SLC23A2: variants seen among roughly 807,000 people sequenced by gnomAD.
The protein encoded by SLC23A2 is Na(+)/L-ascorbic acid transporter 2.
In SLC23A2, 36 loss-of-function variants were observed where a neutral mutation model predicts 73.3. The observed-to-expected ratio is 0.49, with a 90% CI of 0.38 to 0.65. The LOEUF (loss-of-function observed/expected upper bound fraction) is 0.65. SLC23A2 is among the 30% of genes least tolerant of loss of function. The pLI, the probability that SLC23A2 is intolerant of heterozygous loss-of-function variation, is 0.00. For synonymous variants in SLC23A2, 343 were observed against 327.3 expected, an observed-to-expected ratio of 1.05 and a Z score of -0.52; for missense variants, 507 against 841.6, an observed-to-expected ratio of 0.60 and a Z score of 4.92.
upstream of SLC23A2, among the ~76,000 whole-genome samples, chr20:5,001,994 CCT>C (rs1399763824): frequency 6.6e-6 from 1 of 152,144 alleles, no homozygotes; most frequent in East Asian, 1.9e-4. Flanking sequence ...GTCCTTCTTA[CCT>C]CATGCAGAGA....
intron 1 of SLC23A2, among the ~76,000 whole-genome samples, chr20:4,976,155 G>C (rs2087642192): frequency 6.6e-6 from 1 of 151,570 alleles, no homozygotes; most frequent in South Asian, 2.1e-4. Flanking sequence ...GCCCGGCCAA[G>C]AGTTTCTTTT....
chr20:4,869,343 A>AAAAC (rs1568603042), intron 12 of SLC23A2, among the ~76,000 whole-genome samples: 2,416 of 149,586 alleles, frequency 0.016, 76 homozygotes, highest in African/African-American at 0.057. Flanking sequence ...CAAAAAAAAA[A>AAAAC]CAAAAAAAAC....
chr20:4,965,521 C>T (rs1397330972), intron 2 of SLC23A2, among the ~76,000 whole-genome samples: 3 of 152,084 alleles, frequency 2.0e-5, no homozygotes, highest in Admixed American at 2.0e-4. Flanking sequence ...TTTGTAATCC[C>T]AGTACTTTGG....
intron 2 of SLC23A2, among the ~76,000 whole-genome samples, chr20:4,950,525 A>C (rs983506909): frequency 5.9e-5 from 9 of 152,140 alleles, no homozygotes; most frequent in Non-Finnish European, 1.2e-4. Flanking sequence ...GTACCCATGA[A>C]GACACAAAAG....
At chr20:4,886,934 G>A (rs1432249307) in intron 6 of SLC23A2, among the ~76,000 whole-genome samples, 2 of 152,100 alleles carry the variant, frequency 1.3e-5, no homozygotes, top group East Asian at 3.9e-4. Flanking sequence ...ACAGGAACTG[G>A]ACTGAGAAAT....
At chr20:4,859,624 T>C (rs6107541) in intron 15 of SLC23A2, among the ~76,000 whole-genome samples, 24,213 of 152,150 alleles carry the variant, frequency 0.16, 2,070 homozygotes, top group African/African-American at 0.21. Flanking sequence ...CAGTGGTGCA[T>C]AGAAGATGAA....
rs181432107 is a variant in SLC23A2 at position 4,865,721 on chromosome 20, C to T, written c.1356+2049G>A. ...TTAGTTCCAGGACCGCCACTCTCCC[C>T]GCCTCAGATACCAACAACCACAGAC... On this transcript the variant is annotated intron_variant, in intron 13 of 16. Coordinates refer to ENST00000338244, the MANE Select transcript of SLC23A2 (RefSeq NM_005116.6). 5.4e-4 allele frequency among the ~76,000 whole-genome samples: 83 copies of T among 152,310 alleles called. 1 individual carries two copies. The highest frequency in any genetic ancestry group is 1.1e-3 in the Non-Finnish European group (75 of 68,036).
intron 2 of SLC23A2, among the ~76,000 whole-genome samples, chr20:4,956,078 C>G (rs2087283965): frequency 6.6e-6 from 1 of 152,032 alleles, no homozygotes; most frequent in African/African-American, 2.4e-5. Flanking sequence ...TGGACAAATA[C>G]AAGAAAAAAA....
intron 2 of SLC23A2, among the ~76,000 whole-genome samples, chr20:4,952,255 T>C (rs903202333): frequency 6.6e-6 from 1 of 152,128 alleles, no homozygotes; most frequent in Admixed American, 6.6e-5. Context: ...ATCATATACT[T>C]GGACACATCC....
chr20:4,911,887 C>T (rs1436558250), intron 4 of SLC23A2, among the ~76,000 whole-genome samples: 2 of 151,840 alleles, frequency 1.3e-5, no homozygotes, highest in Non-Finnish European at 2.9e-5. Flanking sequence ...TCTGTCTTCC[C>T]AGTTGGAGTA....
At chr20:5,003,082 A>C (rs573192341), upstream of SLC23A2, among the ~76,000 whole-genome samples, 1 of 152,150 alleles carries the variant, frequency 6.6e-6, no homozygotes, top group Admixed American at 6.6e-5. Flanking sequence ...GAAGATGGAG[A>C]AAATAAAAAA....
chr20:4,914,443 G>T (rs752145392), intron 3 of SLC23A2, among the ~76,000 whole-genome samples: 2 of 151,756 alleles, frequency 1.3e-5, no homozygotes, highest in African/African-American at 4.8e-5. Context: ...ACTGAACCAG[G>T]TATTGACCAA....
At chr20:4,968,907 C>A (rs990796274) in intron 2 of SLC23A2, among the ~76,000 whole-genome samples, 2 of 150,374 alleles carry the variant, frequency 1.3e-5, no homozygotes, top group South Asian at 4.2e-4. Flanking sequence ...TTAGTAGAGA[C>A]GGGGTTTCAC....
In SLC23A2 at chr20:4,965,966, C is replaced by CAA. The variant is rs3055921; in HGVS notation, c.-155+4825_-155+4826dup. 1.9e-3 allele frequency among the ~76,000 whole-genome samples: 191 copies of CAA among 100,056 alleles called. 8 individuals are homozygous for CAA. The highest frequency in any genetic ancestry group is 3.2e-3 in the East Asian group (11 of 3,444). 65.6% of individuals were successfully genotyped at this position (100,056 alleles called of 152,430 possible). ...TGGGTGACTGAGTGAGACTCCATCT[C>CAA]AAAAAAAAAAAAAAAAAGGGAAGAT... is the stretch of plus-strand genomic sequence containing the variant. On this transcript the variant is annotated intron_variant, in intron 2 of 16. Transcript: ENST00000338244.
At chr20:4,860,902 G>A (rs1929939946) in intron 15 of SLC23A2, among the ~76,000 whole-genome samples, 1 of 152,180 alleles carries the variant, frequency 6.6e-6, no homozygotes, top group Admixed American at 6.5e-5. Flanking sequence ...TTGACCGGGT[G>A]TGGTGGTGGG....
At chr20:4,937,647 C>G (rs1568632839) in intron 2 of SLC23A2, among the ~76,000 whole-genome samples, 1 of 152,192 alleles carries the variant, frequency 6.6e-6, no homozygotes, top group African/African-American at 2.4e-5. Context: ...GTATACACAG[C>G]TATAGGCAGT....
chr20:4,900,920 GC>G (rs1267390123), intron 5 of SLC23A2, among the ~76,000 whole-genome samples: 13 of 152,144 alleles, frequency 8.5e-5, no homozygotes, highest in African/African-American at 3.1e-4. Flanking sequence ...AGCCCATGAA[GC>G]CCGACTGTAA....
chr20:4,919,392 G>A (rs1186934249), intron 3 of SLC23A2, among the ~76,000 whole-genome samples: 1 of 152,206 alleles, frequency 6.6e-6, no homozygotes, highest in East Asian at 1.9e-4. Flanking sequence ...GAAGGCTAAG[G>A]CTGTGGCAGC....
chr20:4,993,713 A>G (rs1440512772), intron 1 of SLC23A2, among the ~76,000 whole-genome samples: 1 of 152,178 alleles, frequency 6.6e-6, no homozygotes, highest in East Asian at 1.9e-4. Context: ...ACATTCCCCC[A>G]TATCATGCAT....
Sources: gnomAD v4.1 joint callset for allele counts (sites outside exome capture counted in the v4.1 genomes callset) on GRCh38, gnomAD v4.1.1 for gene constraint, MANE v1.5 for transcripts, NCBI Gene and HGNC (gene_info 2026-07-23, HGNC 2026-07-21) for gene names.